Variants in NRXN2 observed in about 807,000 individuals in gnomAD.
NRXN2 encodes neurexin-2-beta.
In NRXN2, 29 loss-of-function variants were observed where a neutral mutation model predicts 128.8. The ratio of observed to expected loss-of-function variants is 0.23; its 90% CI spans 0.17 to 0.31. The LOEUF is 0.31. Ranked by LOEUF, NRXN2 falls within the 10% of genes least tolerant of loss-of-function variation. NRXN2 has a pLI of 1.00. For synonymous variants in NRXN2, 1,098 were observed against 1,075.2 expected, an observed-to-expected ratio of 1.02 and a Z score of -0.41; for missense variants, 1,881 against 2,452.6, an observed-to-expected ratio of 0.77 and a Z score of 4.92.
Position 64,635,335 on chromosome 11 carries a change from C to T in NRXN2, c.3521G>A (p.Arg1174Gln), listed in dbSNP as rs761757989. Residue 1174 changes from arginine to glutamine, a missense_variant, in exon 18 of 23, where the codon CGG (arginine) becomes CAG (glutamine). Physicochemically the swap from Arg to Gln is conservative, Grantham distance 43. Around this residue, in one of 7 missense-constraint regions of NRXN2, gnomAD observed 390 missense variants for 599.6 expected, o/e 0.65. Transcript: ENST00000265459. This position sits in a 1 kb window ranked among gnomAD's most constrained non-coding sequence, Gnocchi z 4.8. ...GTCCACCCGCACCAGCACAGCGCTC[C>T]GCTGGTGGGTGCTGAAGCCCACGGC... ...RLAVGFSTHQ[R>Q]SAVLVRVDSA... is the part of the protein sequence containing the mutation. The T allele has an allele frequency of 9.9e-6, 16 of 1,613,404 alleles. No individual in the cohort carries two copies. The highest frequency in any genetic ancestry group is 6.7e-5 in the East Asian group (3 of 44,890).
chr11:64,718,339 C>T (rs2057350930), intron 1 of NRXN2, among the ~76,000 whole-genome samples: 1 of 152,204 alleles, frequency 6.6e-6, no homozygotes, highest in Non-Finnish European at 1.5e-5. Context: ...GGATGCCGGC[C>T]TCCCTCTGGC....
intron 2 of NRXN2, among the ~76,000 whole-genome samples, chr11:64,709,190 CAAAAAAAAAAAA>C (rs112450142): frequency 0.42 from 34,853 of 83,872 alleles, 4,581 homozygotes; most frequent in East Asian, 0.6. Flanking sequence ...GACTCCATCT[CAAAAAAAAAAAA>C]AAAAAAAAAA....
At chr11:64,690,233 G>A (rs1018472573) in intron 5 of NRXN2, among the ~76,000 whole-genome samples, 172 bp downstream of exon 5, 4 of 152,240 alleles carry the variant, frequency 2.6e-5, no homozygotes, top group African/African-American at 7.2e-5. Context: ...TCACATCAGG[G>A]CAGCTAATGG....
At chr11:64,614,415 T>G (rs993439111) in intron 22 of NRXN2, among the ~76,000 whole-genome samples, 2 of 152,218 alleles carry the variant, frequency 1.3e-5, no homozygotes, top group South Asian at 2.1e-4. Context: ...CAAATCTGCA[T>G]GAGCAGGGGT....
intron 6 of NRXN2, among the ~76,000 whole-genome samples, chr11:64,679,215 G>C (rs1421015562): frequency 6.6e-6 from 1 of 152,196 alleles, no homozygotes; most frequent in Non-Finnish European, 1.5e-5. Flanking sequence ...GAAGAAAAAG[G>C]CATTGGAGGT....
rs756679381 is a variant in NRXN2 at position 64,660,327 on chromosome 11, G to A, written c.2389+5C>T. 6.2e-6 allele frequency: 10 copies of A among 1,612,832 alleles called. No homozygotes were observed. In the South Asian group the frequency reaches 8.8e-5, roughly 14 times the overall value. On this transcript the variant is annotated splice_donor_5th_base_variant and intron_variant, in intron 11 of 22. Coordinates refer to ENST00000265459, the MANE Select transcript of NRXN2 (RefSeq NM_015080.4). This position sits in a 1 kb window ranked among gnomAD's most constrained non-coding sequence, Gnocchi z 5.2. ...GGGTCAGGAAGCACAGGGCAGGGTG[G>A]TTACCGAGGTTGACAGTGAGCTTCA...
At chr11:64,616,646 T>C (rs2041577389) in intron 22 of NRXN2, among the ~76,000 whole-genome samples, 1 of 152,208 alleles carries the variant, frequency 6.6e-6, no homozygotes, top group African/African-American at 2.4e-5. Flanking sequence ...AACACAGATG[T>C]GTGTGTCCTG....
chr11:64,712,607 A>G (rs1592301881), intron 2 of NRXN2: 1 of 427,402 alleles, frequency 2.3e-6, no homozygotes, highest in Admixed American at 2.7e-5. Context: ...GTCCACGCAG[A>G]CCCCCACCCA....
chr11:64,614,534 G>C (rs1211338858), intron 22 of NRXN2, among the ~76,000 whole-genome samples: 3 of 152,204 alleles, frequency 2.0e-5, no homozygotes, highest in Admixed American at 2.0e-4. Context: ...GGGACAGCCA[G>C]GGACCCCAGA....
At position 64,635,218 on chromosome 11, in the gene NRXN2, T is replaced by C; in HGVS notation, c.3585+53A>G. 6.2e-7 allele frequency: 1 copy of C among 1,601,408 alleles called. No individual in the cohort carries two copies. The highest frequency in any genetic ancestry group is 8.5e-7 in the Non-Finnish European group (1 of 1,171,304). ...ATCCCATGGCAATGAGGGGCTGAAC[T>C]GATTTGGGAGCAGGAAGCTTGAGGT... On this transcript the variant is annotated intron_variant, in intron 18 of 22. Coordinates refer to ENST00000265459, the MANE Select transcript of NRXN2 (RefSeq NM_015080.4). This position sits in a 1 kb window ranked among gnomAD's most constrained non-coding sequence, Gnocchi z 4.8.
chr11:64,680,033 GCATGACAACA>G (rs2051979416), intron 6 of NRXN2, among the ~76,000 whole-genome samples: 1 of 152,180 alleles, frequency 6.6e-6, no homozygotes, highest in Admixed American at 6.5e-5. Context: ...GGGAGCACAA[GCATGACAACA>G]CATGATGAAT....
At chr11:64,618,012 A>G (rs1270988832) in intron 22 of NRXN2, among the ~76,000 whole-genome samples, 1 of 152,064 alleles carries the variant, frequency 6.6e-6, no homozygotes, top group Non-Finnish European at 1.5e-5. Flanking sequence ...TCTCTATCCC[A>G]GGCTTCTAGA....
Position 64,630,681 on chromosome 11 carries a change from C to T in NRXN2, c.3586-108G>A, listed in dbSNP as rs1036002258. On this transcript the variant is annotated intron_variant, in intron 18 of 22. Coordinates refer to ENST00000265459, the MANE Select transcript of NRXN2 (RefSeq NM_015080.4). This position sits in a 1 kb window ranked among gnomAD's most constrained non-coding sequence, Gnocchi z 4.6. ...GCCCAGCTCCGCAGCACTTAAGGCA[C>T]CTTTCCCAGGTCTCAACCGCTGGAG... The T allele has an allele frequency of 7.6e-7, 1 of 1,310,166 alleles. No individual in the cohort carries two copies. Among genetic ancestry groups the T allele is most frequent in the African/African-American group, 1.5e-5 (1 of 68,822 alleles). The allele number at this position is 1,310,166 out of a possible 1,614,324, so 81.2% of individuals were successfully genotyped here. A position where few individuals can be genotyped will look rare whatever the true frequency, so the allele number is the denominator to read the frequency against.
At chr11:64,609,412 C>A (rs1591445106) in intron 22 of NRXN2, among the ~76,000 whole-genome samples, 1 of 152,142 alleles carries the variant, frequency 6.6e-6, no homozygotes, top group Non-Finnish European at 1.5e-5. Flanking sequence ...GGGAGGGAAG[C>A]ACCTGCTAAA....
chr11:64,690,481 A>G lies in NRXN2; in HGVS notation c.779-5T>C, dbSNP rs368038344. On this transcript the variant is annotated splice_region_variant and splice_polypyrimidine_tract_variant and intron_variant, in intron 4 of 22. Coordinates refer to ENST00000265459, the MANE Select transcript of NRXN2 (RefSeq NM_015080.4). ...CGGAGAACAGTAAGGACCCTACTGG[A>G]GAAGCAGAATTGGGGAGTCAGGCAC... 6.2e-7 allele frequency: 1 copy of G among 1,612,818 alleles called. No homozygotes were observed. Among genetic ancestry groups the G allele is most frequent in the African/African-American group, 1.3e-5 (1 of 74,838 alleles).
At chr11:64,620,173 C>G in intron 22 of NRXN2, 121 bp downstream of exon 22, 1 of 757,920 alleles carries the variant, frequency 1.3e-6, no homozygotes, top group South Asian at 1.5e-5. Flanking sequence ...GGGGAACTAT[C>G]AGGGAAAGCT....
Position 64,620,322 on chromosome 11 carries a change from C to T in NRXN2, c.4224G>A (p.Glu1408=). 2 of 1,554,164 alleles carry T rather than the reference C, an allele frequency of 1.3e-6. No individual in the cohort carries two copies. The highest frequency in any genetic ancestry group is 1.7e-4 in the Middle Eastern group (1 of 5,996). Residue 1408 remains glutamate (E), a synonymous_variant, in exon 22 of 23, where the codon GAG becomes GAA. Coordinates refer to ENST00000265459, the MANE Select transcript of NRXN2 (RefSeq NM_015080.4). ...TACTGGGCTCACACTCCTCCAGGTCCTCATCATCGCTTGGACACTCAGCAG... is the reference window on the plus strand; with the variant it reads ...TACTGGGCTCACACTCCTCCAGGTCTTCATCATCGCTTGGACACTCAGCAG... ...VASAECPSDD[E]DLEECEPSTG...
chr11:64,622,234 A>C lies in NRXN2; in HGVS notation c.4173+519T>G, dbSNP rs938725788. ...ACTGCAGGGACCCCAGCAAACAAGG[A>C]GAGGCTCCTCCTAGCTTCCACCAGC... On this transcript the variant is annotated intron_variant, in intron 21 of 22. Transcript: ENST00000265459. This position sits in a 1 kb window ranked among gnomAD's most constrained non-coding sequence, Gnocchi z 4.3. 6.6e-6 allele frequency among the ~76,000 whole-genome samples: 1 copy of C among 152,140 alleles called. No homozygotes were observed. The highest frequency in any genetic ancestry group is 1.5e-5 in the Non-Finnish European group (1 of 67,996).
At position 64,660,874 on chromosome 11, in the gene NRXN2, C is replaced by T. The variant is rs1303049102; in HGVS notation, c.2064G>A (p.Arg688=). Residue 688 remains arginine, a synonymous_variant, in exon 10 of 23, where the codon CGG becomes CGA. Transcript: ENST00000265459. This position sits in a 1 kb window ranked among gnomAD's most constrained non-coding sequence, Gnocchi z 5.2. ...CAGATGCACACTGCTTCAGCGTCTCCCGGGAGCAAAAGGGGGCAACGCCCA... is the reference window on the plus strand; with the variant it reads ...CAGATGCACACTGCTTCAGCGTCTCTCGGGAGCAAAAGGGGGCAACGCCCA... ...GAVGVAPFCS[R]ETLKQCASAP... is the part of the protein sequence containing the mutation. The T allele has an allele frequency of 6.2e-7, 1 of 1,613,608 alleles. No homozygotes were observed. The highest frequency in any genetic ancestry group is 8.5e-7 in the Non-Finnish European group (1 of 1,179,776).
Sources: gnomAD v4.1 joint callset for allele counts (sites outside exome capture counted in the v4.1 genomes callset) on GRCh38, gnomAD v4.1.1 for gene constraint, gnomAD v4.1.1 regional missense constraint, Gnocchi (gnomAD v3.1) non-coding constraint, MANE v1.5 for transcripts, NCBI Gene and HGNC (gene_info 2026-07-23, HGNC 2026-07-21) for gene names.